Variants in ZNF670 observed in about 807,000 individuals in gnomAD.
The protein encoded by ZNF670 is zinc finger protein 670.
ZNF670 carries 7 observed loss-of-function variants against 10.9 expected under a neutral mutation model. The ratio of observed to expected loss-of-function variants is 0.64; its 90% CI spans 0.36 to 1.20. The LOEUF is 1.20. ZNF670 is among the 50% of genes most tolerant of loss of function. The probability of loss-of-function intolerance (pLI) is 0.02; values close to 1 mark genes in which losing one functional copy is unlikely to be tolerated. For synonymous variants in ZNF670, 136 were observed against 152.7 expected (o/e 0.89, Z 0.81); for missense variants, 446 against 458.6 (o/e 0.97, Z 0.25).
Position 247,039,395 on chromosome 1 carries a change from G to C in ZNF670, c.130+16C>G. The C allele has an allele frequency of 3.7e-6, 6 of 1,602,950 alleles. No homozygotes were observed. The highest frequency in any genetic ancestry group is 5.1e-6 in the Non-Finnish European group (6 of 1,175,772). On this transcript the variant is annotated intron_variant, in intron 2 of 3. Coordinates refer to ENST00000366503, the MANE Select transcript of ZNF670 (RefSeq NM_033213.5). Reference sequence around the variant, plus strand: ...GCGTTGTAATCAACTACGTGAATAAGTGTTGTTATTCTTACCTACAGAAGC... The same window carrying C: ...GCGTTGTAATCAACTACGTGAATAACTGTTGTTATTCTTACCTACAGAAGC...
rs971090126 is a variant in ZNF670, at chr1:247,038,018, G to A, written c.601C>T (p.His201Tyr). ...YTGEKTYKCK[H>Y]CDKAFNYSSY... ...GAATAATTGAAGGCTTTATCACAATGTTTACATTTATATGTTTTCTCTCCA... is the reference window on the plus strand; with the variant it reads ...GAATAATTGAAGGCTTTATCACAATATTTACATTTATATGTTTTCTCTCCA... The change falls in exon 4 of 4, where the codon CAT (histidine) becomes TAT (tyrosine). Residue 201 changes from histidine (H) to tyrosine (Y), a missense_variant. Transcript: ENST00000366503. The A allele has an allele frequency of 1.3e-5, 21 of 1,613,744 alleles. No homozygotes were observed. Among genetic ancestry groups the A allele is most frequent in the Non-Finnish European group, 1.6e-5 (19 of 1,179,928 alleles).
rs1670145594 is a variant in ZNF670 at position 247,036,177 on chromosome 1, T to C, written c.*1272A>G. On this transcript the variant is annotated 3_prime_UTR_variant, in exon 4 of 4. Transcript: ENST00000366503. ...ATCTCAATAGATGCAGAAAAAAACA[T>C]GTCATAAGAGTTCAACACTCCTTTA... is the stretch of plus-strand genomic sequence containing the variant. 6.6e-6 allele frequency among the ~76,000 whole-genome samples: 1 copy of C among 152,102 alleles called. No homozygotes were observed. The highest frequency in any genetic ancestry group is 1.5e-5 in the Non-Finnish European group (1 of 68,012).
intron 1 of ZNF670, among the ~76,000 whole-genome samples, chr1:247,061,599 A>G (rs1028467396): frequency 3.3e-5 from 5 of 152,322 alleles, no homozygotes; most frequent in Admixed American, 6.5e-5. Flanking sequence ...GCAAGATGGC[A>G]TATGTCCTTA....
intron 1 of ZNF670, among the ~76,000 whole-genome samples, chr1:247,071,412 G>A (rs1671110922): frequency 6.6e-6 from 1 of 152,244 alleles, no homozygotes; most frequent in Non-Finnish European, 1.5e-5. Flanking sequence ...ATAAGTGGGA[G>A]CTAAACGATG....
At chr1:247,055,032 G>T (rs528036881) in intron 1 of ZNF670, among the ~76,000 whole-genome samples, 8 of 152,140 alleles carry the variant, frequency 5.3e-5, no homozygotes, top group African/African-American at 1.9e-4. Context: ...TGCAGGCACA[G>T]ATAAGGAAAC....
intron 2 of ZNF670, among the ~76,000 whole-genome samples, chr1:247,039,201 G>A (rs550525164): frequency 2.6e-5 from 4 of 151,938 alleles, no homozygotes; most frequent in African/African-American, 9.7e-5. Flanking sequence ...TGGGATTACA[G>A]GCGCCTGCTA....
At chr1:247,044,344 C>T (rs917157428) in intron 1 of ZNF670, among the ~76,000 whole-genome samples, 1 of 152,070 alleles carries the variant, frequency 6.6e-6, no homozygotes, top group Non-Finnish European at 1.5e-5. Context: ...GGAGCACTTA[C>T]ACACTGCTGG....
At chr1:247,039,372 GT>G in intron 2 of ZNF670, 38 bp downstream of exon 2, 1 of 1,591,904 alleles carries the variant, frequency 6.3e-7, no homozygotes, top group Admixed American at 1.8e-5. Context: ...AAACACTTGC[GT>G]TGTAATCAAC....
chr1:247,037,945 T>C lies in ZNF670; in HGVS notation c.674A>G (p.Tyr225Cys), dbSNP rs781166122. The C allele has an allele frequency of 4.3e-6, 7 of 1,613,872 alleles. No individual in the cohort carries two copies. The South Asian group carries it at 6.6e-5, about 15-fold the overall frequency. Reference sequence around the variant, plus strand: ...TGATTTACCACATTTCTTACATGCATAGGGTTTCTCTCCAGTATGAGTTCT... The same window carrying C: ...TGATTTACCACATTTCTTACATGCACAGGGTTTCTCTCCAGTATGAGTTCT... ...HERTHTGEKPYACKKCGKSFT... is the reference protein window; with the variant it reads ...HERTHTGEKPCACKKCGKSFT... Residue 225 changes from tyrosine to cysteine, a missense_variant, in exon 4 of 4, where the codon TAT becomes TGT. Physicochemically the swap from Tyr to Cys is radical, Grantham distance 194 (BLOSUM62 -2). Transcript: ENST00000366503.
At chr1:247,058,190 C>A (rs55900605) in intron 1 of ZNF670, among the ~76,000 whole-genome samples, 4,269 of 152,054 alleles carry the variant, frequency 0.028, 203 homozygotes, top group African/African-American at 0.095. Flanking sequence ...GCCCTAAGAA[C>A]ATAATTGGAA....
At chr1:247,039,286 C>T (rs1488885773) in intron 2 of ZNF670, 125 bp downstream of exon 2, 1 of 1,099,542 alleles carries the variant, frequency 9.1e-7, no homozygotes, top group African/African-American at 1.7e-5. Context: ...GTCTTGAACT[C>T]CTGACCTCAG....
intron 1 of ZNF670, among the ~76,000 whole-genome samples, chr1:247,050,218 T>C (rs1670558359): frequency 6.6e-6 from 1 of 152,220 alleles, no homozygotes; most frequent in Non-Finnish European, 1.5e-5. Flanking sequence ...TAAGTGCATA[T>C]GGACTTAAGA....
intron 1 of ZNF670, among the ~76,000 whole-genome samples, chr1:247,046,083 GC>G (rs1171777430): frequency 6.6e-6 from 1 of 151,106 alleles, no homozygotes; most frequent in Non-Finnish European, 1.5e-5. Flanking sequence ...TCGCTTCTTT[GC>G]CCCCACAATC....
chr1:247,044,544 C>T (rs1448830264), intron 1 of ZNF670, among the ~76,000 whole-genome samples: 7 of 152,258 alleles, frequency 4.6e-5, no homozygotes, highest in East Asian at 1.9e-4. Context: ...ATCAAAGACA[C>T]GGAATCAATC....
intron 1 of ZNF670, among the ~76,000 whole-genome samples, chr1:247,064,037 G>A (rs1572568990): frequency 6.6e-6 from 1 of 152,346 alleles, no homozygotes; most frequent in East Asian, 1.9e-4. Flanking sequence ...GCTGGGTCTG[G>A]CCTCAGCCAA....
Position 247,039,454 on chromosome 1 carries a change from G to A in ZNF670, c.87C>T (p.Tyr29=), listed in dbSNP as rs769744647. The part of the protein sequence containing the change: ...ALLDPSQKNL[Y]RDVMQEIFRN... ...TGAAGATTTCTTGCATCACATCTCT[G>A]TAGAGATTCTTTTGAGAAGGATCCA... The change falls in exon 2 of 4, where the codon TAC becomes TAT. Residue 29 remains tyrosine (Y), a synonymous_variant. Transcript: ENST00000366503. 3 of 1,608,660 alleles carry A rather than the reference G, an allele frequency of 1.9e-6. No homozygotes were observed. Among genetic ancestry groups the A allele is most frequent in the Non-Finnish European group, 2.5e-6 (3 of 1,178,058 alleles).
rs1036282434 is a variant in ZNF670, at chr1:247,076,538, G to A, written c.3+2056C>T. On this transcript the variant is annotated intron_variant, in intron 1 of 3. Coordinates refer to ENST00000366503, the MANE Select transcript of ZNF670 (RefSeq NM_033213.5). ...CCCAAAGTGTTGGGATTACAGGCGTGAGCCACCGCACCTGGCCTGTGTGCC... is the reference window on the plus strand; with the variant it reads ...CCCAAAGTGTTGGGATTACAGGCGTAAGCCACCGCACCTGGCCTGTGTGCC... Among the ~76,000 whole-genome samples the A allele has an allele frequency of 1.1e-4, 17 of 152,226 alleles. 1 individual carries two copies. Among genetic ancestry groups the A allele is most frequent in the Admixed American group, 1.0e-3 (16 of 15,290 alleles).
intron 1 of ZNF670, among the ~76,000 whole-genome samples, chr1:247,052,248 G>C (rs1440865147): frequency 6.6e-6 from 1 of 152,124 alleles, no homozygotes. Context: ...GAGGCTCAAG[G>C]GCTGTGGTTC....
At chr1:247,075,523 A>G (rs1053444619) in intron 1 of ZNF670, among the ~76,000 whole-genome samples, 5 of 152,188 alleles carry the variant, frequency 3.3e-5, no homozygotes, top group Non-Finnish European at 7.4e-5. Context: ...TGTGGCAGGA[A>G]CGTGGTGGGA....
Sources: gnomAD v4.1 joint callset for allele counts (sites outside exome capture counted in the v4.1 genomes callset) on GRCh38, gnomAD v4.1.1 for gene constraint, MANE v1.5 for transcripts, NCBI Gene and HGNC (gene_info 2026-07-23, HGNC 2026-07-21) for gene names.